The following WDR33 variants were observed in gnomAD, a reference collection of about 807,000 sequenced individuals.
WDR33 encodes the protein pre-mRNA 3' end processing protein WDR33.
WDR33 carries 47 observed loss-of-function variants against 164.9 expected under a neutral mutation model. That is an observed-to-expected ratio of 0.29 (90% confidence interval 0.23 to 0.36). The LOEUF (loss-of-function observed/expected upper bound fraction) is 0.36. Among genes scored for constraint, WDR33 ranks in the 10% least tolerant of loss-of-function variants. The probability of loss-of-function intolerance (pLI) is 1.00; values close to 1 mark genes in which losing one functional copy is unlikely to be tolerated. For synonymous variants in WDR33, 505 were observed against 589.0 expected (o/e 0.86, Z 2.06); for missense variants, 1,137 against 1,754.1 (o/e 0.65, Z 6.28).
At chr2:127,775,666 C>T (rs1688163886) in intron 1 of WDR33, among the ~76,000 whole-genome samples, 3 of 152,174 alleles carry the variant, frequency 2.0e-5, no homozygotes, top group Admixed American at 2.0e-4. Context: ...TTGTTACTTA[C>T]ACTCTTTGGA....
Position 127,735,521 on chromosome 2 carries a change from T to A in WDR33, c.725-8744A>T. ...CAAAACTTATAAAAAGCACCAAGAT[T>A]TTCTAATACAGGAAGAAAAAAGGCA... On this transcript the variant is annotated intron_variant, in intron 7 of 21. Coordinates refer to ENST00000322313, the MANE Select transcript of WDR33 (RefSeq NM_018383.5). The surrounding 1 kb of genome is among the most constrained non-coding windows in gnomAD (Gnocchi z 4.3). The A allele has an allele frequency of 2.0e-6, 2 of 985,640 alleles. No individual in the cohort carries two copies. Among genetic ancestry groups the A allele is most frequent in the Non-Finnish European group, 2.4e-6 (2 of 829,750 alleles). 61.1% of individuals were successfully genotyped at this position (985,640 alleles called of 1,614,324 possible).
chr2:127,750,282 C>G (rs963045618), intron 7 of WDR33, among the ~76,000 whole-genome samples: 3 of 152,036 alleles, frequency 2.0e-5, no homozygotes, highest in Non-Finnish European at 4.4e-5. Flanking sequence ...CCTGCCTTGG[C>G]CTCCCAAAGT....
chr2:127,701,838 C>CT lies in WDR33; in HGVS notation c.*4484_*4485insA. The CT allele has an allele frequency of 6.9e-7, 1 of 1,457,940 alleles. No individual in the cohort carries two copies. 90.3% of individuals were successfully genotyped at this position (1,457,940 alleles called of 1,614,324 possible). On this transcript the variant is annotated 3_prime_UTR_variant, in exon 22 of 22. Transcript: ENST00000322313. ...GCTCTACGCACCGGTGTTGCTGCTGCGCGCGCGCAAGTTCGCGCTGCTCTG... is the reference window on the plus strand; with the variant it reads ...GCTCTACGCACCGGTGTTGCTGCTGCTGCGCGCGCAAGTTCGCGCTGCTCTG...
chr2:127,708,660 C>T lies in WDR33; in HGVS notation c.3781+17G>A. 1 of 1,573,854 alleles carries T rather than the reference C, an allele frequency of 6.4e-7. No individual in the cohort carries two copies. Among genetic ancestry groups the T allele is most frequent in the East Asian group, 2.3e-5 (1 of 44,352 alleles). On this transcript the variant is annotated intron_variant, in intron 21 of 21. Coordinates refer to ENST00000322313, the MANE Select transcript of WDR33 (RefSeq NM_018383.5). This position sits in a 1 kb window ranked among gnomAD's most constrained non-coding sequence, Gnocchi z 6.7. ...CCCCTGCATCTCCTGGAACCATAAC[C>T]ACTGGCCTGCTCTTACCTTTGCCTC... is the stretch of plus-strand genomic sequence containing the variant.
intron 1 of WDR33, among the ~76,000 whole-genome samples, chr2:127,786,410 CGGT>C (rs1367254893): frequency 6.6e-6 from 1 of 152,198 alleles, no homozygotes; most frequent in Non-Finnish European, 1.5e-5. Context: ...TGGCAGGACA[CGGT>C]GGCTCACGCC....
At chr2:127,755,458 G>T (rs896838670) in intron 7 of WDR33, among the ~76,000 whole-genome samples, 14 of 152,106 alleles carry the variant, frequency 9.2e-5, no homozygotes, top group Non-Finnish European at 1.6e-4. Flanking sequence ...AGCTCAAAAG[G>T]TTGCCTGTAT....
intron 7 of WDR33, among the ~76,000 whole-genome samples, chr2:127,754,330 A>C (rs1687456356): frequency 6.6e-6 from 1 of 152,240 alleles, no homozygotes; most frequent in Non-Finnish European, 1.5e-5. Context: ...AATGCTTTCT[A>C]TAACTTCCCT....
At chr2:127,794,485 G>A (rs1041090671) in intron 1 of WDR33, among the ~76,000 whole-genome samples, 4 of 144,794 alleles carry the variant, frequency 2.8e-5, no homozygotes, top group Admixed American at 1.4e-4. Flanking sequence ...TGGGGGACAA[G>A]AGCGAGACTT....
At position 127,702,906 on chromosome 2, in the gene WDR33, A is replaced by G. The variant is rs1685928848; in HGVS notation, c.*3417T>C. 6 of 167,024 alleles carry G rather than the reference A, an allele frequency of 3.6e-5. No individual in the cohort carries two copies. The Admixed American group carries it at 3.9e-4, about 11-fold the overall frequency. 10.3% of individuals were successfully genotyped at this position (167,024 alleles called of 1,614,324 possible). On this transcript the variant is annotated 3_prime_UTR_variant, in exon 22 of 22. Transcript: ENST00000322313. The stretch of plus-strand genomic sequence containing the variant: ...CTTCGGAAATCCTGCAAATAGAAAG[A>G]TAATTCTAGATCCGGAATACCTGTA...
chr2:127,780,067 G>A (rs576986220), intron 1 of WDR33, among the ~76,000 whole-genome samples: 12 of 149,740 alleles, frequency 8.0e-5, no homozygotes, highest in African/African-American at 2.5e-4. Context: ...TCCGCCTCCC[G>A]GGTTCACGCC....
chr2:127,755,303 T>C lies in WDR33; in HGVS notation c.724+7759A>G, dbSNP rs13389843. On this transcript the variant is annotated intron_variant, in intron 7 of 21. Transcript: ENST00000322313. The stretch of plus-strand genomic sequence containing the variant: ...ATCTACATTAATATAAACTGTTAAA[T>C]AGGACGGGGCCAAGTAAAGAATCTT... Among the ~76,000 whole-genome samples the C allele has an allele frequency of 7.0e-3, 1,066 of 152,308 alleles. 9 individuals carry two copies. Among genetic ancestry groups the C allele is most frequent in the African/African-American group, 0.024 (1,013 of 41,562 alleles).
At chr2:127,766,072 C>A (rs1687812217) in intron 4 of WDR33, among the ~76,000 whole-genome samples, 1 of 152,122 alleles carries the variant, frequency 6.6e-6, no homozygotes, top group African/African-American at 2.4e-5. Flanking sequence ...AATATTTTTA[C>A]ATCAGTATTT....
chr2:127,750,677 A>AAAAAAAAAATATAT (rs1558936792), intron 7 of WDR33, among the ~76,000 whole-genome samples: 1 of 35,802 alleles, frequency 2.8e-5, no homozygotes, highest in Non-Finnish European at 4.4e-5. Flanking sequence ...AAAAAAAAAA[A>AAAAAAAAAATATAT]ATATATATAT....
chr2:127,764,272 C>T lies in WDR33; in HGVS notation c.626+556G>A. ...AGTCTTCTTGACAATGATCTGCTTA[C>T]AGCTGCAAAGCTTGAAGAACCCATT... On this transcript the variant is annotated intron_variant, in intron 6 of 21. Transcript: ENST00000322313. The surrounding 1 kb of genome is among the most constrained non-coding windows in gnomAD (Gnocchi z 6.2). 1.6e-6 allele frequency: 2 copies of T among 1,250,162 alleles called. No homozygotes were observed. Among genetic ancestry groups the T allele is most frequent in the Non-Finnish European group, 2.0e-6 (2 of 995,524 alleles). 77.4% of individuals were successfully genotyped at this position (1,250,162 alleles called of 1,614,324 possible).
intron 4 of WDR33, among the ~76,000 whole-genome samples, chr2:127,766,811 C>G (rs1289703758): frequency 6.6e-6 from 1 of 151,888 alleles, no homozygotes; most frequent in Non-Finnish European, 1.5e-5. Flanking sequence ...ATCTTGTCGC[C>G]CAGGCTAGAG....
intron 7 of WDR33, among the ~76,000 whole-genome samples, chr2:127,730,917 GT>G (rs1686688443): frequency 6.7e-6 from 1 of 149,508 alleles, no homozygotes; most frequent in South Asian, 2.1e-4. Flanking sequence ...TTGTTTGTTT[GT>G]TTAGGTATGT....
intron 7 of WDR33, among the ~76,000 whole-genome samples, chr2:127,755,791 A>G (rs1687501407): frequency 6.6e-6 from 1 of 152,228 alleles, no homozygotes. Context: ...TTGTTTAATA[A>G]CATTAAAAAT....
rs1374502668 is a variant in WDR33 at position 127,701,061 on chromosome 2, T to C, written c.*5262A>G. 2 of 152,880 alleles carry C rather than the reference T, an allele frequency of 1.3e-5. No homozygotes were observed. Among genetic ancestry groups the C allele is most frequent in the Admixed American group, 6.5e-5 (1 of 15,302 alleles). The allele number at this position is 152,880 out of a possible 1,614,324, so 9.5% of individuals were successfully genotyped here. A position where few individuals can be genotyped will look rare whatever the true frequency, so the allele number is the denominator to read the frequency against. On this transcript the variant is annotated 3_prime_UTR_variant, in exon 22 of 22. Coordinates refer to ENST00000322313, the MANE Select transcript of WDR33 (RefSeq NM_018383.5). ...AATTAAATTTTTATTTTGAGATCAC[T>C]GTTTGTGTTCAGTTGTAAGAAACAA...
chr2:127,701,825 G>A lies in WDR33; in HGVS notation c.*4498C>T. ...TCGGCCTAGCCGCGCTCTACGCACC[G>A]GTGTTGCTGCTGCGCGCGCGCAAGT... On this transcript the variant is annotated 3_prime_UTR_variant, in exon 22 of 22. Coordinates refer to ENST00000322313, the MANE Select transcript of WDR33 (RefSeq NM_018383.5). 1 of 1,457,676 alleles carries A rather than the reference G, an allele frequency of 6.9e-7. No homozygotes were observed. The highest frequency in any genetic ancestry group is 9.0e-7 in the Non-Finnish European group (1 of 1,109,146). 90.3% of individuals were successfully genotyped at this position (1,457,676 alleles called of 1,614,324 possible).
Sources: gnomAD v4.1 joint callset for allele counts (sites outside exome capture counted in the v4.1 genomes callset) on GRCh38, gnomAD v4.1.1 for gene constraint, Gnocchi (gnomAD v3.1) non-coding constraint, MANE v1.5 for transcripts, NCBI Gene and HGNC (gene_info 2026-07-23, HGNC 2026-07-21) for gene names.